Variants in ANK3 observed in about 807,000 individuals in gnomAD.
ANK3 encodes ankyrin-3.
ANK3 carries 57 observed loss-of-function variants against 370.9 expected under a neutral mutation model. The observed-to-expected ratio is 0.15, with a 90% CI of 0.12 to 0.19. The LOEUF (loss-of-function observed/expected upper bound fraction) is 0.19, where lower values mean the gene tolerates loss of function less well. ANK3 is among the 10% of genes least tolerant of loss of function. ANK3 has a pLI of 1.00. For missense variants in ANK3, 4,439 were observed against 5,302.1 expected (o/e 0.84, Z 5.06); for synonymous variants, 1,929 against 1,946.3 (o/e 0.99, Z 0.23).
chr10:60,643,526 A>G (rs142162812), intron 1 of ANK3, among the ~76,000 whole-genome samples: 3,881 of 151,720 alleles, frequency 0.026, 186 homozygotes, highest in African/African-American at 0.089. Flanking sequence ...CTATCTATCT[A>G]TCTATCTATC....
At chr10:60,146,038 T>A in intron 23 of ANK3, 1 of 1,491,672 alleles carries the variant, frequency 6.7e-7, no homozygotes, top group Non-Finnish European at 9.0e-7. Context: ...AAAAAATGAA[T>A]AAAATTAACA....
intron 1 of ANK3, among the ~76,000 whole-genome samples, chr10:60,729,904 T>C (rs550731433): frequency 6.6e-6 from 1 of 152,290 alleles, no homozygotes; most frequent in East Asian, 1.9e-4. Context: ...TCTATTTTGG[T>C]ACCACTGATC....
At chr10:60,648,146 C>CT (rs138851239) in intron 1 of ANK3, among the ~76,000 whole-genome samples, 10,858 of 113,344 alleles carry the variant, frequency 0.096, 1,780 homozygotes, top group African/African-American at 0.32. Context: ...CGGCCAGCCT[C>CT]TTTTTTTTTT....
intron 21 of ANK3, 119 bp downstream of exon 21, chr10:60,172,189 G>A (rs1243160570): frequency 1.4e-6 from 1 of 716,000 alleles, no homozygotes; most frequent in Non-Finnish European, 2.4e-6. Context: ...TGAGGTGACT[G>A]TATTTTAAAA....
intron 1 of ANK3, among the ~76,000 whole-genome samples, chr10:60,361,042 C>T (rs992577312): frequency 6.6e-6 from 1 of 152,068 alleles, no homozygotes; most frequent in African/African-American, 2.4e-5. Flanking sequence ...ATGTAAAAAT[C>T]TTTACTAGTC....
chr10:60,247,649 C>T (rs956016032), intron 7 of ANK3, among the ~76,000 whole-genome samples: 1 of 152,068 alleles, frequency 6.6e-6, no homozygotes, highest in Admixed American at 6.6e-5. Context: ...TTATTTCACT[C>T]AGCATTTTAT....
At chr10:60,360,868 TTTC>T (rs2058497316) in intron 1 of ANK3, among the ~76,000 whole-genome samples, 1 of 152,110 alleles carries the variant, frequency 6.6e-6, no homozygotes, top group Admixed American at 6.5e-5. Context: ...AACAATTATA[TTTC>T]TTGATTTCTA....
intron 1 of ANK3, among the ~76,000 whole-genome samples, chr10:60,350,652 C>A (rs560973835): frequency 2.0e-5 from 3 of 152,312 alleles, no homozygotes; most frequent in African/African-American, 7.2e-5. Context: ...CTGTGGAGAT[C>A]TACAAATGTA....
chr10:60,615,164 G>A, intron 2 of ANK3: 1 of 1,457,806 alleles, frequency 6.9e-7, no homozygotes, highest in African/African-American at 1.4e-5. Context: ...TATTTGTTGA[G>A]TTTAGTGATA....
chr10:60,482,644 G>A (rs2075254925), intron 2 of ANK3, among the ~76,000 whole-genome samples: 1 of 152,024 alleles, frequency 6.6e-6, no homozygotes, highest in Non-Finnish European at 1.5e-5. Flanking sequence ...ATGCCACCAT[G>A]TCTGGCTAAT....
At chr10:60,129,898 T>C (rs182176831) in intron 25 of ANK3, among the ~76,000 whole-genome samples, 2 of 152,316 alleles carry the variant, frequency 1.3e-5, no homozygotes, top group Admixed American at 1.3e-4. Flanking sequence ...CAAAAACATA[T>C]CTTCAGGTAA....
chr10:60,289,187 A>T (rs2040740314), intron 1 of ANK3, among the ~76,000 whole-genome samples: 1 of 151,894 alleles, frequency 6.6e-6, no homozygotes, highest in Non-Finnish European at 1.5e-5. Context: ...AACATACAAG[A>T]TTAAGATCTC....
At chr10:60,557,610 A>T (rs1197249882) in intron 2 of ANK3, among the ~76,000 whole-genome samples, 1 of 152,256 alleles carries the variant, frequency 6.6e-6, no homozygotes, top group East Asian at 1.9e-4. Context: ...TGTATATTTA[A>T]ATATATATTG....
chr10:60,513,006 T>C (rs763419792), intron 2 of ANK3, among the ~76,000 whole-genome samples: 5 of 152,132 alleles, frequency 3.3e-5, no homozygotes, highest in Non-Finnish European at 5.9e-5. Flanking sequence ...ACAACTTTAA[T>C]GTTAAAAACA....
At chr10:60,418,135 G>T (rs1222624492) in intron 2 of ANK3, among the ~76,000 whole-genome samples, 4 of 152,142 alleles carry the variant, frequency 2.6e-5, no homozygotes, top group Non-Finnish European at 5.9e-5. Flanking sequence ...GCAGCAGCCT[G>T]CAAGCTGTCT....
At chr10:60,686,110 T>C (rs1453129998) in intron 1 of ANK3, among the ~76,000 whole-genome samples, 1 of 152,140 alleles carries the variant, frequency 6.6e-6, no homozygotes, top group Non-Finnish European at 1.5e-5. Context: ...ATAGGTAAGA[T>C]AATTTTAAAT....
chr10:60,214,495 C>T (rs991208950), intron 8 of ANK3, among the ~76,000 whole-genome samples: 3 of 151,742 alleles, frequency 2.0e-5, no homozygotes, highest in African/African-American at 7.3e-5. Flanking sequence ...GACCCATCCT[C>T]TAAGTTCCCT....
At chr10:60,358,785 C>T (rs2058170822) in intron 1 of ANK3, among the ~76,000 whole-genome samples, 1 of 152,184 alleles carries the variant, frequency 6.6e-6, no homozygotes. Flanking sequence ...TAACACACAC[C>T]AGCTTAGATC....
chr10:60,119,298 C>G (rs1267364880), intron 25 of ANK3, among the ~76,000 whole-genome samples: 2 of 152,196 alleles, frequency 1.3e-5, no homozygotes. Flanking sequence ...ATTTCATTTC[C>G]ATGCTACCTG....
Sources: gnomAD v4.1 joint callset for allele counts (sites outside exome capture counted in the v4.1 genomes callset) on GRCh38, gnomAD v4.1.1 for gene constraint, MANE v1.5 for transcripts, NCBI Gene and HGNC (gene_info 2026-07-23, HGNC 2026-07-21) for gene names.